Variants in SFMBT2 observed in about 807,000 individuals in gnomAD.
SFMBT2 encodes the protein scm-like with four MBT domains protein 2.
In SFMBT2, 38 loss-of-function variants were observed where a neutral mutation model predicts 110.1. The observed-to-expected ratio is 0.35, with a 90% CI of 0.27 to 0.45. SFMBT2 has a LOEUF of 0.45. SFMBT2 is among the 20% of genes least tolerant of loss of function. The probability of loss-of-function intolerance (pLI) is 1.00; values close to 1 mark genes in which losing one functional copy is unlikely to be tolerated. For synonymous variants in SFMBT2, 425 were observed against 425.4 expected (o/e 1.00, Z 0.01); for missense variants, 1,011 against 1,094.9 (o/e 0.92, Z 1.08).
intron 14 of SFMBT2, among the ~76,000 whole-genome samples, chr10:7,199,678 G>A (rs999958719): frequency 9.2e-5 from 14 of 152,150 alleles, no homozygotes; most frequent in African/African-American, 2.2e-4. Context: ...TCTGCCTTTC[G>A]ATTACCAGGC....
chr10:7,191,838 GAAATT>G lies in SFMBT2; in HGVS notation c.1699-3110_1699-3106del, dbSNP rs372392105. Among the ~76,000 whole-genome samples the G allele has an allele frequency of 3.0e-3, 454 of 152,258 alleles. 2 individuals are homozygous for G. The highest frequency in any genetic ancestry group is 0.01 in the African/African-American group (424 of 41,530). ...GTTCAATAATTTCAATATGGGCTCT[GAAATT>G]AAATTATTCTGTTCATCTAAAAATT... On this transcript the variant is annotated intron_variant, in intron 15 of 20. Coordinates refer to ENST00000397167, the MANE Select transcript of SFMBT2 (RefSeq NM_001387889.1).
chr10:7,353,445 A>G (rs1298744698), intron 4 of SFMBT2, among the ~76,000 whole-genome samples: 1 of 152,022 alleles, frequency 6.6e-6, no homozygotes, highest in Non-Finnish European at 1.5e-5. Context: ...CTCAATTATG[A>G]TAAATCCTTC....
chr10:7,284,190 T>G (rs1257140988), intron 5 of SFMBT2, 40 bp from the exon 6 acceptor site: 1 of 1,591,744 alleles, frequency 6.3e-7, no homozygotes. Context: ...TTAAACTTTA[T>G]TTTAAGGTTC....
Position 7,243,569 on chromosome 10 carries a change from G to A in SFMBT2, c.1109C>T (p.Thr370Ile). The change falls in exon 9 of 21, where the codon ACT becomes ATT. Residue 370 changes from threonine to isoleucine, a missense_variant. Transcript: ENST00000397167. ...QWCLKNGVSL[T>I]PPKGYSGQDF... ...CACAGAATACAAACCTTTGGGAGGA[G>A]TGAGGCTGACTCCATTTTTAAGGCA... is the stretch of plus-strand genomic sequence containing the variant. 1.1e-6 allele frequency: 1 copy of A among 872,874 alleles called. No individual in the cohort carries two copies. Among genetic ancestry groups the A allele is most frequent in the Non-Finnish European group, 2.0e-6 (1 of 501,672 alleles). The allele number at this position is 872,874 out of a possible 1,614,324, so 54.1% of individuals were successfully genotyped here. A position where few individuals can be genotyped will look rare whatever the true frequency, so the allele number is the denominator to read the frequency against.
At position 7,367,742 on chromosome 10, in the gene SFMBT2, G is replaced by A. The variant is rs769271162; in HGVS notation, c.343C>T (p.Arg115Cys). The A allele has an allele frequency of 1.9e-6, 3 of 1,613,962 alleles. No individual in the cohort carries two copies. The highest frequency in any genetic ancestry group is 2.5e-6 in the Non-Finnish European group (3 of 1,180,036). Residue 115 changes from arginine to cysteine, a missense_variant, in exon 4 of 21, where the codon CGC (arginine) becomes TGC (cysteine). Physicochemically the swap from Arg to Cys is radical, Grantham distance 180 (BLOSUM62 -3). Around this residue, in one of 2 missense-constraint regions of SFMBT2, gnomAD observed 979 missense variants for 1,016.1 expected, o/e 0.96. Coordinates refer to ENST00000397167, the MANE Select transcript of SFMBT2 (RefSeq NM_001387889.1). This position sits in a 1 kb window ranked among gnomAD's most constrained non-coding sequence, Gnocchi z 6.2. ...ACGTCACACCAGAAGTCGGCCCTGC[G>A]GTCCTCCCCGTAACCGCAGTAGCGC... The part of the protein sequence containing the change: ...LLRYCGYGED[R>C]RADFWCDVVI...
chr10:7,288,253 A>C (rs777005369), intron 4 of SFMBT2, among the ~76,000 whole-genome samples: 137 of 152,312 alleles, frequency 9.0e-4, no homozygotes, highest in Non-Finnish European at 1.2e-3. Flanking sequence ...ACCAAGAGCA[A>C]AACCAACATG....
intron 16 of SFMBT2, among the ~76,000 whole-genome samples, chr10:7,184,379 A>G (rs1429240964): frequency 1.3e-5 from 2 of 152,004 alleles, no homozygotes; most frequent in Non-Finnish European, 2.9e-5. Context: ...CTTTTGCTTG[A>G]TTCTCATTCT....
intron 7 of SFMBT2, among the ~76,000 whole-genome samples, chr10:7,264,848 T>G (rs1433865141): frequency 6.6e-6 from 1 of 151,822 alleles, no homozygotes; most frequent in East Asian, 1.9e-4. Flanking sequence ...ATATCTTTAT[T>G]CTCTATTTGT....
In SFMBT2 at chr10:7,172,616, C is replaced by T; in HGVS notation, c.2030G>A (p.Gly677Glu). The T allele has an allele frequency of 1.2e-6, 2 of 1,614,220 alleles. No individual in the cohort carries two copies. Among genetic ancestry groups the T allele is most frequent in the Non-Finnish European group, 1.7e-6 (2 of 1,180,030 alleles). Reference protein sequence around the residue: ...KRKKISKPPIGESNPDSGHPK... With the variant: ...KRKKISKPPIEESNPDSGHPK... ...GTGTCCGCTGTCGGGGTTGCTTTCCCCGATGGGGGGCTTGGAGATCTTCTT... is the reference window on the plus strand; with the variant it reads ...GTGTCCGCTGTCGGGGTTGCTTTCCTCGATGGGGGGCTTGGAGATCTTCTT... The change falls in exon 18 of 21, where the codon GGG becomes GAG. Residue 677 changes from glycine to glutamate, a missense_variant. Physicochemically the swap from Gly to Glu is moderately conservative, Grantham distance 98. This residue lies in a region of SFMBT2 where 979 missense variants were observed against 1,016.1 expected (regional missense o/e 0.96). Coordinates refer to ENST00000397167, the MANE Select transcript of SFMBT2 (RefSeq NM_001387889.1). The surrounding 1 kb of genome is among the most constrained non-coding windows in gnomAD (Gnocchi z 4.6).
intron 4 of SFMBT2, among the ~76,000 whole-genome samples, chr10:7,364,226 GTT>G (rs1844819089): frequency 6.6e-6 from 1 of 152,190 alleles, no homozygotes; most frequent in African/African-American, 2.4e-5. Context: ...CCCACTAAAT[GTT>G]TTTGAGTTCT....
intron 4 of SFMBT2, among the ~76,000 whole-genome samples, chr10:7,311,412 C>T (rs1324145121): frequency 2.0e-5 from 3 of 152,230 alleles, no homozygotes; most frequent in Admixed American, 6.5e-5. Flanking sequence ...ATTTTTCTAT[C>T]TGCAAATTCA....
chr10:7,176,562 T>C (rs1363079225), intron 16 of SFMBT2: 5 of 935,468 alleles, frequency 5.3e-6, no homozygotes, highest in Non-Finnish European at 2.5e-6. Context: ...TGTGAGTGCA[T>C]ATGGGATCAG....
At position 7,172,635 on chromosome 10, in the gene SFMBT2, T is replaced by C. The variant is rs749568477; in HGVS notation, c.2011A>G (p.Ile671Val). ...CTTTCCCCGATGGGGGGCTTGGAGA[T>C]CTTCTTTCTCTTTCCATAGTAATAG... ...YTYYYGKRKK[I>V]SKPPIGESNP... The change falls in exon 18 of 21, where the codon ATC becomes GTC. Residue 671 changes from isoleucine to valine, a missense_variant. Ile to Val is a conservative substitution (Grantham distance 29, BLOSUM62 3). Transcript: ENST00000397167. This position sits in a 1 kb window ranked among gnomAD's most constrained non-coding sequence, Gnocchi z 4.6. 3.7e-6 allele frequency: 6 copies of C among 1,614,076 alleles called. No homozygotes were observed. In the South Asian group the frequency reaches 4.4e-5, roughly 12 times the overall value.
chr10:7,209,316 C>A (rs749300834), intron 11 of SFMBT2, among the ~76,000 whole-genome samples: 1 of 152,236 alleles, frequency 6.6e-6, no homozygotes, highest in South Asian at 2.1e-4. Flanking sequence ...CATTGCTTCT[C>A]GGCCTTTTGG....
chr10:7,350,349 T>C (rs763998029), intron 4 of SFMBT2, among the ~76,000 whole-genome samples: 12 of 152,152 alleles, frequency 7.9e-5, no homozygotes, highest in Non-Finnish European at 1.3e-4. Flanking sequence ...ACATTAACAC[T>C]TCATCTTAGA....
chr10:7,239,252 C>A (rs530429000), intron 9 of SFMBT2, among the ~76,000 whole-genome samples: 1 of 152,148 alleles, frequency 6.6e-6, no homozygotes. Flanking sequence ...ATTTAGACAA[C>A]CCAATACATT....
intron 4 of SFMBT2, among the ~76,000 whole-genome samples, chr10:7,306,740 G>GA (rs113763179): frequency 0.55 from 72,763 of 132,588 alleles, 17,917 homozygotes; most frequent in East Asian, 0.67. Flanking sequence ...AGAAAAGGGG[G>GA]GAAAAAAAAG....
At chr10:7,387,658 T>C (rs529644027) in intron 1 of SFMBT2, among the ~76,000 whole-genome samples, 101 of 151,784 alleles carry the variant, frequency 6.7e-4, no homozygotes, top group Admixed American at 2.2e-3. Context: ...AGGATGGGCA[T>C]GGTGGCTCAC....
At chr10:7,257,172 A>G (rs1007129677) in intron 7 of SFMBT2, among the ~76,000 whole-genome samples, 2 of 151,980 alleles carry the variant, frequency 1.3e-5, no homozygotes, top group Non-Finnish European at 2.9e-5. Flanking sequence ...GAAGTAGAGT[A>G]TCACGCTGGA....
Sources: gnomAD v4.1 joint callset for allele counts (sites outside exome capture counted in the v4.1 genomes callset) on GRCh38, gnomAD v4.1.1 for gene constraint, gnomAD v4.1.1 regional missense constraint, Gnocchi (gnomAD v3.1) non-coding constraint, MANE v1.5 for transcripts, NCBI Gene and HGNC (gene_info 2026-07-23, HGNC 2026-07-21) for gene names.